COL14A1: variants seen among roughly 807,000 people sequenced by gnomAD.
COL14A1 encodes collagen type XIV alpha 1 chain.
COL14A1 carries 136 observed loss-of-function variants against 230.3 expected under a neutral mutation model. That is an observed-to-expected ratio of 0.59 (90% CI 0.51 to 0.68). The LOEUF (loss-of-function observed/expected upper bound fraction) is 0.68. Ranked by LOEUF, COL14A1 falls within the 30% of genes least tolerant of loss-of-function variation. The probability of loss-of-function intolerance (pLI) is 0.00; values close to 1 mark genes in which losing one functional copy is unlikely to be tolerated. For synonymous variants in COL14A1, 792 were observed against 784.1 expected (o/e 1.01, Z -0.17); for missense variants, 1,976 against 2,215.8 (o/e 0.89, Z 2.17).
chr8:120,127,816 T>C (rs1050782148), intron 1 of COL14A1, among the ~76,000 whole-genome samples: 2 of 152,232 alleles, frequency 1.3e-5, no homozygotes, highest in African/African-American at 4.8e-5. Flanking sequence ...GCTGTTTTCC[T>C]GGCCTGTCTA....
chr8:120,330,708 C>G (rs371864995), intron 40 of COL14A1, among the ~76,000 whole-genome samples: 2 of 152,328 alleles, frequency 1.3e-5, no homozygotes, highest in East Asian at 3.9e-4. Context: ...CTCTCACACT[C>G]TCCCAACTCA....
intron 5 of COL14A1, among the ~76,000 whole-genome samples, chr8:120,170,364 T>C (rs1362660716): frequency 6.6e-6 from 1 of 152,104 alleles, no homozygotes; most frequent in East Asian, 1.9e-4. Context: ...TAGTTCATAC[T>C]ATTTTCTACA....
At position 120,201,200 on chromosome 8, in the gene COL14A1, C is replaced by T. The variant is rs114580034; in HGVS notation, c.877+1634C>T. ...CATTTTTCATTTACAGAAGAAAGAACAAAGACATCCAGGGAAAAAATTAAA... is the reference window on the plus strand; with the variant it reads ...CATTTTTCATTTACAGAAGAAAGAATAAAGACATCCAGGGAAAAAATTAAA... On this transcript the variant is annotated intron_variant, in intron 8 of 47. Coordinates refer to ENST00000297848, the MANE Select transcript of COL14A1 (RefSeq NM_021110.4). 4.9e-3 allele frequency among the ~76,000 whole-genome samples: 742 copies of T among 151,984 alleles called. 5 individuals are homozygous for T. The highest frequency in any genetic ancestry group is 0.017 in the African/African-American group (707 of 41,458).
chr8:120,249,226 A>C (rs898532393), intron 21 of COL14A1, among the ~76,000 whole-genome samples: 1 of 151,328 alleles, frequency 6.6e-6, no homozygotes. Context: ...CCTAGTTTCA[A>C]TCTTTCATCT....
intron 19 of COL14A1, chr8:120,232,082 A>T (rs1471070788): frequency 1.3e-5 from 2 of 152,614 alleles, no homozygotes; most frequent in African/African-American, 4.8e-5. Flanking sequence ...ATAAAATACC[A>T]TCCGTTAACC....
At chr8:120,368,061 A>G (rs1823465927) in intron 46 of COL14A1, among the ~76,000 whole-genome samples, 1 of 152,136 alleles carries the variant, frequency 6.6e-6, no homozygotes, top group South Asian at 2.1e-4. Flanking sequence ...TGCAAGGCAG[A>G]CACAAAATTT....
intron 31 of COL14A1, among the ~76,000 whole-genome samples, chr8:120,281,768 G>T (rs908021116): frequency 3.9e-5 from 6 of 152,080 alleles, no homozygotes; most frequent in African/African-American, 7.2e-5. Flanking sequence ...TGGCAATGTT[G>T]GAATTTATAT....
At chr8:120,221,557 CAT>C (rs1817934499) in intron 14 of COL14A1, among the ~76,000 whole-genome samples, 1 of 115,156 alleles carries the variant, frequency 8.7e-6, no homozygotes, top group Admixed American at 9.2e-5. Context: ...CACACACACA[CAT>C]GCACACACAC....
chr8:120,188,619 A>G (rs1816718224), intron 5 of COL14A1, among the ~76,000 whole-genome samples: 1 of 152,170 alleles, frequency 6.6e-6, no homozygotes, highest in Non-Finnish European at 1.5e-5. Flanking sequence ...CTGCTTAGGC[A>G]TTTTTAAAAA....
intron 5 of COL14A1, among the ~76,000 whole-genome samples, chr8:120,194,139 C>T (rs1010778244): frequency 3.3e-5 from 5 of 152,188 alleles, no homozygotes; most frequent in African/African-American, 4.8e-5. Context: ...CTGTCTTCTG[C>T]GTCACTCACA....
chr8:120,329,399 G>C (rs1325630751), intron 40 of COL14A1, among the ~76,000 whole-genome samples: 2 of 152,142 alleles, frequency 1.3e-5, no homozygotes, highest in Non-Finnish European at 2.9e-5. Flanking sequence ...TTGAGCCTAG[G>C]AGTCCGAGAC....
At chr8:120,146,706 G>A (rs1815099805) in intron 1 of COL14A1, among the ~76,000 whole-genome samples, 1 of 151,820 alleles carries the variant, frequency 6.6e-6, no homozygotes, top group South Asian at 2.1e-4. Flanking sequence ...TTTAACTATA[G>A]TCCTGTATTT....
At chr8:120,278,079 T>C (rs1819908998) in intron 26 of COL14A1, 32 bp from the exon 27 acceptor site, 2 of 1,575,672 alleles carry the variant, frequency 1.3e-6, no homozygotes, top group Admixed American at 1.9e-5. Context: ...AGTCTACATA[T>C]GTGTGAAAAT....
intron 5 of COL14A1, among the ~76,000 whole-genome samples, chr8:120,185,022 C>G (rs1816602253): frequency 6.6e-6 from 1 of 152,094 alleles, no homozygotes; most frequent in African/African-American, 2.4e-5. Flanking sequence ...TAATATATTT[C>G]TAGGAAGACA....
intron 9 of COL14A1, among the ~76,000 whole-genome samples, chr8:120,206,126 G>A (rs1466426480): frequency 6.6e-6 from 1 of 152,108 alleles, no homozygotes; most frequent in African/African-American, 2.4e-5. Context: ...GTTCGCTGAT[G>A]CTTAAAAACA....
intron 5 of COL14A1, among the ~76,000 whole-genome samples, chr8:120,190,927 T>C (rs1485406935): frequency 6.6e-6 from 1 of 151,040 alleles, no homozygotes; most frequent in African/African-American, 2.4e-5. Flanking sequence ...TATTTGATTC[T>C]TCTCTCTTTT....
At chr8:120,203,669 GC>G (rs1306318068) in intron 8 of COL14A1, 39 bp from the exon 9 acceptor site, 2 of 1,604,926 alleles carry the variant, frequency 1.2e-6, no homozygotes, top group Non-Finnish European at 1.7e-6. Flanking sequence ...TTCCAAGGGG[GC>G]ATAAAAGTCA....
intron 45 of COL14A1, among the ~76,000 whole-genome samples, chr8:120,364,918 A>G (rs562083246): frequency 1.3e-4 from 20 of 152,040 alleles, no homozygotes; most frequent in African/African-American, 4.3e-4. Context: ...GAAAGAAAAA[A>G]AGAATAAAAG....
At position 120,300,751 on chromosome 8, in the gene COL14A1, C is replaced by T. The variant is rs1352820323; in HGVS notation, c.4334C>T (p.Pro1445Leu). Residue 1445 changes from proline (P) to leucine (L), a missense_variant, in exon 36 of 48, where the codon CCA becomes CTA. By Grantham distance (98) the Pro-to-Leu change is moderately conservative. Around this residue, in one of 3 missense-constraint regions of COL14A1, gnomAD observed 1,791 missense variants for 2,019.5 expected, o/e 0.89. Transcript: ENST00000297848. ...TTTCAGAGAGATGATGAGTCTTGCC[C>T]AGACCTTCCCCATTCCTGCTCCTGT... Reference protein sequence around the residue: ...LPGLRDDESCPDLPHSCSCSE... With the variant: ...LPGLRDDESCLDLPHSCSCSE... 1 of 1,613,388 alleles carries T rather than the reference C, an allele frequency of 6.2e-7. No individual in the cohort carries two copies. Among genetic ancestry groups the T allele is most frequent in the Non-Finnish European group, 8.5e-7 (1 of 1,179,600 alleles).
Sources: allele counts gnomAD v4.1 joint callset (sites outside exome capture counted in the v4.1 genomes callset), GRCh38; gene constraint gnomAD v4.1.1; regional missense constraint gnomAD v4.1.1; transcripts MANE v1.5; gene names NCBI Gene and HGNC (gene_info 2026-07-23, HGNC 2026-07-21).